Variants in RASAL2 observed in about 807,000 individuals in gnomAD.
RASAL2 encodes the protein ras GTPase-activating protein nGAP.
A neutral mutation model predicts 128.9 loss-of-function variants in RASAL2; 58 were observed. The ratio of observed to expected loss-of-function variants is 0.45; its 90% confidence interval spans 0.36 to 0.56. The LOEUF is 0.56. Among genes scored for constraint, RASAL2 ranks in the 20% least tolerant of loss-of-function variants. The pLI, the probability that RASAL2 is intolerant of heterozygous loss-of-function variation, is 0.00. For synonymous variants in RASAL2, 561 were observed against 580.8 expected, an observed-to-expected ratio of 0.97 and a Z score of 0.49; for missense variants, 1,360 against 1,601.6, an observed-to-expected ratio of 0.85 and a Z score of 2.57.
intron 1 of RASAL2, among the ~76,000 whole-genome samples, chr1:178,115,776 G>T (rs1176961213): frequency 6.6e-6 from 1 of 152,226 alleles, no homozygotes; most frequent in Non-Finnish European, 1.5e-5. Context: ...CTGCTTTGTA[G>T]ACTGGGTAAA....
At chr1:178,259,784 GAAA>G (rs1665573660) in intron 1 of RASAL2, among the ~76,000 whole-genome samples, 1 of 152,008 alleles carries the variant, frequency 6.6e-6, no homozygotes, top group Non-Finnish European at 1.5e-5. Flanking sequence ...TGCTGGTCTT[GAAA>G]TACTGGGCCC....
intron 2 of RASAL2, among the ~76,000 whole-genome samples, chr1:178,286,950 TTCTA>T (rs1667058480): frequency 6.6e-6 from 1 of 152,114 alleles, no homozygotes; most frequent in African/African-American, 2.4e-5. Context: ...GACTAATACC[TTCTA>T]TCTTTCTAGC....
intron 1 of RASAL2, among the ~76,000 whole-genome samples, chr1:178,189,534 C>T (rs1662418338): frequency 6.6e-6 from 1 of 152,146 alleles, no homozygotes; most frequent in African/African-American, 2.4e-5. Context: ...AAGGCCACAG[C>T]ATTTCTGTTA....
chr1:178,249,987 G>T (rs1328874727), intron 1 of RASAL2, among the ~76,000 whole-genome samples: 1 of 152,132 alleles, frequency 6.6e-6, no homozygotes, highest in Non-Finnish European at 1.5e-5. Flanking sequence ...TGTATGAAGG[G>T]TCTGTCAACC....
intron 3 of RASAL2, among the ~76,000 whole-genome samples, chr1:178,306,374 TTA>T (rs537754126): frequency 1.8e-3 from 273 of 152,310 alleles, no homozygotes; most frequent in Admixed American, 2.8e-3. Context: ...GCATGTGTCT[TTA>T]TAGCAGCATG....
At chr1:178,216,715 C>T (rs1016157854) in intron 1 of RASAL2, among the ~76,000 whole-genome samples, 2 of 152,200 alleles carry the variant, frequency 1.3e-5, no homozygotes, top group Non-Finnish European at 2.9e-5. Flanking sequence ...TCTTGGCTCA[C>T]TGCAGCCTCT....
chr1:178,242,274 A>G (rs1302007036), intron 1 of RASAL2, among the ~76,000 whole-genome samples: 1 of 152,180 alleles, frequency 6.6e-6, no homozygotes, highest in African/African-American at 2.4e-5. Flanking sequence ...TATAAAACTC[A>G]TGAGGATACT....
chr1:178,363,803 A>G (rs966483568), intron 3 of RASAL2, among the ~76,000 whole-genome samples: 4 of 152,188 alleles, frequency 2.6e-5, no homozygotes, highest in African/African-American at 7.2e-5. Context: ...AAACATCTAT[A>G]TGCTATAAAA....
At chr1:178,178,853 C>T (rs60610670) in intron 1 of RASAL2, among the ~76,000 whole-genome samples, 5,779 of 152,166 alleles carry the variant, frequency 0.038, 373 homozygotes, top group African/African-American at 0.13. Context: ...CTAAAGGACC[C>T]GGCACCTCTA....
chr1:178,221,201 T>G, intron 1 of RASAL2, among the ~76,000 whole-genome samples: 1 of 152,232 alleles, frequency 6.6e-6, no homozygotes, highest in Non-Finnish European at 1.5e-5. Context: ...TTTCATATGC[T>G]TATTTACCAT....
chr1:178,201,218 G>A (rs1662856275), intron 1 of RASAL2, among the ~76,000 whole-genome samples: 1 of 152,172 alleles, frequency 6.6e-6, no homozygotes, highest in Non-Finnish European at 1.5e-5. Flanking sequence ...GGCCCCCTAA[G>A]TAGGGATTCT....
At chr1:178,182,307 G>A (rs994552419) in intron 1 of RASAL2, among the ~76,000 whole-genome samples, 13 of 152,120 alleles carry the variant, frequency 8.5e-5, no homozygotes, top group African/African-American at 3.1e-4. Flanking sequence ...ACTACAAGAT[G>A]CTCCAGGCCC....
chr1:178,292,209 G>A (rs989218260), intron 2 of RASAL2, among the ~76,000 whole-genome samples: 5 of 152,104 alleles, frequency 3.3e-5, no homozygotes, highest in African/African-American at 1.2e-4. Context: ...TTATTGCTGT[G>A]TTAAAAAATT....
At chr1:178,103,191 G>A (rs1477755213) in intron 1 of RASAL2, among the ~76,000 whole-genome samples, 1 of 149,626 alleles carries the variant, frequency 6.7e-6, no homozygotes, top group Non-Finnish European at 1.5e-5. Context: ...TCTTCCCCCC[G>A]CCCCTCACTT....
intron 3 of RASAL2, among the ~76,000 whole-genome samples, chr1:178,358,585 G>C (rs1385961071): frequency 6.6e-6 from 1 of 152,154 alleles, no homozygotes; most frequent in African/African-American, 2.4e-5. Flanking sequence ...ATTACTGGTA[G>C]TCAGGATATG....
intron 1 of RASAL2, among the ~76,000 whole-genome samples, chr1:178,228,743 C>A (rs1470712786): frequency 1.3e-5 from 2 of 152,078 alleles, no homozygotes; most frequent in Admixed American, 6.5e-5. Context: ...ATTCTATTCC[C>A]AGTTTGCAAC....
intron 3 of RASAL2, among the ~76,000 whole-genome samples, chr1:178,380,586 G>A (rs1357389731): frequency 6.6e-6 from 1 of 152,170 alleles, no homozygotes; most frequent in Admixed American, 6.5e-5. Flanking sequence ...AGTGGGGGTA[G>A]GGGCAGGTGT....
At chr1:178,441,744 C>T in intron 7 of RASAL2, 97 bp downstream of exon 7, 1 of 896,858 alleles carries the variant, frequency 1.1e-6, no homozygotes, top group South Asian at 1.5e-5. Flanking sequence ...TTGTCTATAG[C>T]TTGAGAGTTT....
intron 1 of RASAL2, among the ~76,000 whole-genome samples, chr1:178,269,249 C>A (rs1377106730): frequency 6.6e-6 from 1 of 152,196 alleles, no homozygotes; most frequent in Non-Finnish European, 1.5e-5. Flanking sequence ...TTGGCCAGTA[C>A]CTTGATCTTG....
Sources: allele counts gnomAD v4.1 joint callset (sites outside exome capture counted in the v4.1 genomes callset), GRCh38; gene constraint gnomAD v4.1.1; transcripts MANE v1.5; gene names NCBI Gene and HGNC (gene_info 2026-07-23, HGNC 2026-07-21).